Variants in DENND1B observed in about 807,000 individuals in gnomAD.
DENND1B encodes DENN domain containing 1B.
In DENND1B, 59 loss-of-function variants were observed where a neutral mutation model predicts 90.1. The ratio of observed to expected loss-of-function variants is 0.65; its 90% CI spans 0.53 to 0.81. DENND1B has a LOEUF of 0.81. Among genes scored for constraint, DENND1B ranks in the 40% least tolerant of loss-of-function variants. The pLI, the probability that DENND1B is intolerant of heterozygous loss-of-function variation, is 0.00. For synonymous variants in DENND1B, 337 were observed against 324.6 expected, an observed-to-expected ratio of 1.04 and a Z score of -0.41; for missense variants, 862 against 912.6, an observed-to-expected ratio of 0.94 and a Z score of 0.71.
intron 3 of DENND1B, chr1:197,690,170 T>C (rs1286945878): frequency 1.7e-5 from 5 of 286,628 alleles, no homozygotes; most frequent in African/African-American, 9.1e-5. Flanking sequence ...AAGCTCTTCC[T>C]AAGGATAATG....
At chr1:197,704,312 T>G (rs530330678) in intron 3 of DENND1B, among the ~76,000 whole-genome samples, 1 of 152,296 alleles carries the variant, frequency 6.6e-6, no homozygotes, top group Non-Finnish European at 1.5e-5. Flanking sequence ...TCCCTCACAC[T>G]TATACTCTTT....
At chr1:197,618,000 T>C (rs1479276749) in intron 10 of DENND1B, among the ~76,000 whole-genome samples, 2 of 151,190 alleles carry the variant, frequency 1.3e-5, no homozygotes, top group East Asian at 3.9e-4. Context: ...CATCTGAAAA[T>C]ACCGAGTTTG....
chr1:197,595,348 G>T lies in DENND1B; in HGVS notation c.922-15C>A. 1 of 1,609,132 alleles carries T rather than the reference G, an allele frequency of 6.2e-7. No homozygotes were observed. The highest frequency in any genetic ancestry group is 8.5e-7 in the Non-Finnish European group (1 of 1,177,716). Reference sequence around the variant, plus strand: ...AAGGCCGAGACCTGCATGACAGAGAGGAACAGTTAAATTAACACCTCAGAA... The same window carrying T: ...AAGGCCGAGACCTGCATGACAGAGATGAACAGTTAAATTAACACCTCAGAA... On this transcript the variant is annotated splice_polypyrimidine_tract_variant and intron_variant, in intron 13 of 22. Coordinates refer to ENST00000620048, the MANE Select transcript of DENND1B (RefSeq NM_001195215.2).
Position 197,698,846 on chromosome 1 carries a change from C to T in DENND1B, c.126+16185G>A, listed in dbSNP as rs565212492. 2.0e-5 allele frequency among the ~76,000 whole-genome samples: 3 copies of T among 152,142 alleles called. No homozygotes were observed. The South Asian group carries it at 6.2e-4, about 32-fold the overall frequency. On this transcript the variant is annotated intron_variant, in intron 3 of 22. Coordinates refer to ENST00000620048, the MANE Select transcript of DENND1B (RefSeq NM_001195215.2). ...TAAATTCCTGGACACATACACACTCCCAGGACTAAACCACGAAGAAGTCGA... is the reference window on the plus strand; with the variant it reads ...TAAATTCCTGGACACATACACACTCTCAGGACTAAACCACGAAGAAGTCGA...
chr1:197,588,883 AG>A (rs1674941261), intron 14 of DENND1B, among the ~76,000 whole-genome samples: 1 of 152,106 alleles, frequency 6.6e-6, no homozygotes, highest in African/African-American at 2.4e-5. Flanking sequence ...CAAACTATAA[AG>A]TTTAATCATC....
chr1:197,504,781 T>C lies in DENND1B; in HGVS notation c.*5679A>G, dbSNP rs1434088877. On this transcript the variant is annotated 3_prime_UTR_variant, in exon 23 of 23. Transcript: ENST00000620048. Reference sequence around the variant, plus strand: ...TGACCAATTTTATTTTAGAACTGCATTTTTGGGTGTTTTATGGTAATGTAG... The same window carrying C: ...TGACCAATTTTATTTTAGAACTGCACTTTTGGGTGTTTTATGGTAATGTAG... 3.3e-5 allele frequency: 5 copies of C among 151,844 alleles called. No homozygotes were observed. The highest frequency in any genetic ancestry group is 7.4e-5 in the Non-Finnish European group (5 of 67,854). The allele number at this position is 151,844 out of a possible 1,614,324, so 9.4% of individuals were successfully genotyped here. A position where few individuals can be genotyped will look rare whatever the true frequency, so the allele number is the denominator to read the frequency against.
intron 18 of DENND1B, 112 bp from the exon 19 acceptor site, chr1:197,541,127 A>G (rs1195801884): frequency 6.3e-6 from 6 of 959,348 alleles, no homozygotes; most frequent in Middle Eastern, 2.2e-4. Context: ...ATGATTTAGA[A>G]AAAGAACAGA....
chr1:197,674,666 T>C (rs1190453332), intron 3 of DENND1B, among the ~76,000 whole-genome samples: 1 of 55,232 alleles, frequency 1.8e-5, no homozygotes, highest in Admixed American at 1.9e-4. Flanking sequence ...AGTCAAACAG[T>C]TAAAAAAAAA....
chr1:197,612,002 A>T (rs755717353), intron 11 of DENND1B, 26 bp from the exon 12 acceptor site: 1 of 1,534,782 alleles, frequency 6.5e-7, no homozygotes, highest in Non-Finnish European at 9.0e-7. Context: ...ATATATGCAT[A>T]GATTCATATA....
chr1:197,624,429 A>T lies in DENND1B; in HGVS notation c.673-6670T>A, dbSNP rs555235514. ...TTTCATGAAAATTTACTCAAAATGA[A>T]TCACAGACCTAAATGTAAAATGCAA... On this transcript the variant is annotated intron_variant, in intron 10 of 22. Coordinates refer to ENST00000620048, the MANE Select transcript of DENND1B (RefSeq NM_001195215.2). 2.4e-3 allele frequency among the ~76,000 whole-genome samples: 365 copies of T among 151,802 alleles called. 1 individual carries two copies. The highest frequency in any genetic ancestry group is 6.8e-3 in the Middle Eastern group (2 of 294).
intron 2 of DENND1B, chr1:197,735,977 A>T: frequency 8.0e-7 from 1 of 1,250,000 alleles, no homozygotes; most frequent in Non-Finnish European, 1.1e-6. Flanking sequence ...CTGCTAAGGA[A>T]GCAAAAAAGG....
At chr1:197,525,619 A>G (rs1166061411) in intron 20 of DENND1B, among the ~76,000 whole-genome samples, 1 of 152,118 alleles carries the variant, frequency 6.6e-6, no homozygotes, top group Admixed American at 6.5e-5. Flanking sequence ...TATTATTTTC[A>G]ATCACCTTAG....
At chr1:197,560,860 T>G (rs1215767586) in intron 15 of DENND1B, among the ~76,000 whole-genome samples, 2 of 152,036 alleles carry the variant, frequency 1.3e-5, no homozygotes, top group Non-Finnish European at 2.9e-5. Flanking sequence ...CTCCTTCAGT[T>G]GACGATCTTT....
At chr1:197,549,334 TACC>T (rs1671047419) in intron 16 of DENND1B, among the ~76,000 whole-genome samples, 4 of 152,116 alleles carry the variant, frequency 2.6e-5, no homozygotes, top group Non-Finnish European at 5.9e-5. Flanking sequence ...TGATATTACC[TACC>T]ACGTCTTCAA....
At chr1:197,528,808 C>T (rs1247300939) in intron 20 of DENND1B, among the ~76,000 whole-genome samples, 32 of 149,422 alleles carry the variant, frequency 2.1e-4, no homozygotes, top group East Asian at 2.0e-4. Flanking sequence ...TGCAGTGAGC[C>T]GAGATCCCGC....
chr1:197,691,090 G>A (rs1421540327), intron 3 of DENND1B, among the ~76,000 whole-genome samples: 3 of 151,622 alleles, frequency 2.0e-5, no homozygotes, highest in Non-Finnish European at 2.9e-5. Flanking sequence ...AGGCAACTAA[G>A]GCAAAAATAG....
intron 14 of DENND1B, among the ~76,000 whole-genome samples, chr1:197,593,473 T>C (rs1201620068): frequency 6.6e-6 from 1 of 151,484 alleles, no homozygotes; most frequent in African/African-American, 2.4e-5. Flanking sequence ...ACAAGAAATA[T>C]ACTCTAAGAT....
Position 197,653,362 on chromosome 1 carries a change from C to T in DENND1B, c.367-1047G>A, listed in dbSNP as rs560774765. On this transcript the variant is annotated intron_variant, in intron 6 of 22. Coordinates refer to ENST00000620048, the MANE Select transcript of DENND1B (RefSeq NM_001195215.2). ...CAAAATAAACAATTTACCTCTTGGA[C>T]TTTTAAACAATGAAGTATACCATAG... Among the ~76,000 whole-genome samples, 9 of 152,136 alleles carry T rather than the reference C, an allele frequency of 5.9e-5. No individual in the cohort carries two copies. The East Asian group carries it at 1.2e-3, about 20-fold the overall frequency.
chr1:197,528,792 G>A (rs1181199975), intron 20 of DENND1B, among the ~76,000 whole-genome samples: 3 of 151,044 alleles, frequency 2.0e-5, no homozygotes, highest in South Asian at 2.1e-4. Flanking sequence ...CCCGGGAGGC[G>A]GAGCTTGCAG....
Sources: allele counts gnomAD v4.1 joint callset (sites outside exome capture counted in the v4.1 genomes callset), GRCh38; gene constraint gnomAD v4.1.1; transcripts MANE v1.5; gene names NCBI Gene and HGNC (gene_info 2026-07-23, HGNC 2026-07-21).